Variants in FAT4 observed in about 807,000 individuals in gnomAD.
The protein encoded by FAT4 is protocadherin Fat 4.
FAT4 carries 84 observed loss-of-function variants against 303.9 expected under a neutral mutation model. The observed-to-expected ratio is 0.28, with a 90% CI of 0.23 to 0.33. The LOEUF is 0.33. Among genes scored for constraint, FAT4 ranks in the 10% least tolerant of loss-of-function variants. The pLI is 1.00. For missense variants in FAT4, 6,005 were observed against 6,146.8 expected (o/e 0.98, Z 0.77); for synonymous variants, 2,307 against 2,298.8 (o/e 1.00, Z -0.10).
chr4:125,319,184 A>G lies in FAT4; in HGVS notation c.2773A>G (p.Asn925Asp). 6.2e-7 allele frequency: 1 copy of G among 1,614,170 alleles called. No individual in the cohort carries two copies. Among genetic ancestry groups the G allele is most frequent in the Non-Finnish European group, 8.5e-7 (1 of 1,180,030 alleles). Residue 925 changes from asparagine (N) to aspartate (D), a missense_variant, in exon 2 of 18, where the codon AAT (asparagine) becomes GAT (aspartate). Physicochemically the swap from Asn to Asp is conservative, Grantham distance 23 (BLOSUM62 1). Transcript: ENST00000394329. The stretch of plus-strand genomic sequence containing the variant: ...AGCTGTGGACCCTGATGAAGGTGTC[A>G]ATGGCATGGTACTCTATAGTCTGAA... ...AKAVDPDEGV[N>D]GMVLYSLKQN...
At chr4:125,431,069 A>G (rs1725267839) in intron 7 of FAT4, among the ~76,000 whole-genome samples, 1 of 152,142 alleles carries the variant, frequency 6.6e-6, no homozygotes, top group Admixed American at 6.5e-5. Flanking sequence ...TATCTACAGT[A>G]ATATATGGTT....
At chr4:125,332,369 T>A (rs2125959078) in intron 2 of FAT4, among the ~76,000 whole-genome samples, 1 of 152,278 alleles carries the variant, frequency 6.6e-6, no homozygotes, top group Admixed American at 6.5e-5. Context: ...CTATTTTTCA[T>A]CCACTATTGT....
rs780657540 is a variant in FAT4, at chr4:125,320,920, G to C, written c.4509G>C (p.Val1503=). The change falls in exon 2 of 18, where the codon GTG becomes GTC. Residue 1503 remains valine (V), a synonymous_variant. Coordinates refer to ENST00000394329, the MANE Select transcript of FAT4 (RefSeq NM_001291303.3). ...CTGTAAAAGCCAATGATCAAGCTGT[G>C]CCAATAGAAACTAGACGGTATGCTT... ...ELTVKANDQA[V]PIETRRYALK... 2 of 1,614,182 alleles carry C rather than the reference G, an allele frequency of 1.2e-6. No homozygotes were observed. Among genetic ancestry groups the C allele is most frequent in the East Asian group, 4.5e-5 (2 of 44,878 alleles).
chr4:125,472,879 G>A (rs936113497), intron 12 of FAT4, among the ~76,000 whole-genome samples: 1 of 152,070 alleles, frequency 6.6e-6, no homozygotes, highest in Non-Finnish European at 1.5e-5. Flanking sequence ...GTCCTACCAG[G>A]TTATTAAATG....
intron 2 of FAT4, among the ~76,000 whole-genome samples, chr4:125,359,509 C>A (rs1732569662): frequency 6.6e-6 from 1 of 152,116 alleles, no homozygotes; most frequent in South Asian, 2.1e-4. Context: ...ATTTATAATA[C>A]TGTTACTCAG....
At chr4:125,354,666 T>G (rs1057157752) in intron 2 of FAT4, among the ~76,000 whole-genome samples, 1 of 149,922 alleles carries the variant, frequency 6.7e-6, no homozygotes, top group Non-Finnish European at 1.5e-5. Context: ...AAGCCTCAGT[T>G]CAACAGGAAA....
Position 125,317,253 on chromosome 4 carries a change from C to A in FAT4, c.842C>A (p.Thr281Asn). The change falls in exon 2 of 18, where the codon ACC becomes AAC. Residue 281 changes from threonine (T) to asparagine (N), a missense_variant. Transcript: ENST00000394329. This position sits in a 1 kb window ranked among gnomAD's most constrained non-coding sequence, Gnocchi z 7.0. ...QVAAADADEG[T>N]NADIRYRLQD... is the part of the protein sequence containing the mutation. ...GCGGCGGCGGACGCGGACGAGGGCA[C>A]CAACGCGGACATCCGCTATCGCCTG... The A allele has an allele frequency of 6.3e-7, 1 of 1,579,684 alleles. No individual in the cohort carries two copies. Among genetic ancestry groups the A allele is most frequent in the Admixed American group, 1.7e-5 (1 of 57,734 alleles).
Position 125,468,564 on chromosome 4 carries a change from A to G in FAT4, c.11958A>G (p.Ser3986=), listed in dbSNP as rs1165198824. ...ELNSYGFEEL[S]YMEFPSLDPN... The stretch of plus-strand genomic sequence containing the variant: ...ACAGTTATGGATTTGAGGAGTTATC[A>G]TACATGGAATTTCCAAGCTTGGACC... Residue 3986 remains serine, a synonymous_variant, in exon 12 of 18, where the codon TCA becomes TCG. Coordinates refer to ENST00000394329, the MANE Select transcript of FAT4 (RefSeq NM_001291303.3). 1 of 1,613,980 alleles carries G rather than the reference A, an allele frequency of 6.2e-7. No homozygotes were observed. The highest frequency in any genetic ancestry group is 8.5e-7 in the Non-Finnish European group (1 of 1,179,872).
chr4:125,471,893 TACAAAAA>T (rs1726870692), intron 12 of FAT4, among the ~76,000 whole-genome samples: 4 of 1,840 alleles, frequency 2.2e-3, no homozygotes, highest in Admixed American at 8.1e-3. Flanking sequence ...CTACTAAAAA[TACAAAAA>T]AAAAAAAAAA....
chr4:125,345,758 C>G (rs1731976737), intron 2 of FAT4, among the ~76,000 whole-genome samples: 1 of 151,948 alleles, frequency 6.6e-6, no homozygotes. Flanking sequence ...CAGATTTACC[C>G]TTAAAATGAT....
At chr4:125,402,212 A>T (rs915108235) in intron 3 of FAT4, among the ~76,000 whole-genome samples, 4 of 152,038 alleles carry the variant, frequency 2.6e-5, no homozygotes, top group African/African-American at 9.7e-5. Context: ...CCATTTGTAG[A>T]CAGGGCATTT....
At chr4:125,328,063 T>C (rs9999319) in intron 2 of FAT4, among the ~76,000 whole-genome samples, 50,051 of 151,980 alleles carry the variant, frequency 0.33, 8,523 homozygotes, top group Middle Eastern at 0.38. Context: ...TGAGTGGAAA[T>C]AGGAAAAGAA....
At chr4:125,413,471 G>A (rs1260445009) in intron 5 of FAT4, among the ~76,000 whole-genome samples, 3 of 151,910 alleles carry the variant, frequency 2.0e-5, no homozygotes, top group South Asian at 4.2e-4. Flanking sequence ...CGCTTTCAAC[G>A]ATTTACTCAA....
At chr4:125,325,727 G>A (rs1434647298) in intron 2 of FAT4, among the ~76,000 whole-genome samples, 4 of 152,170 alleles carry the variant, frequency 2.6e-5, no homozygotes, top group African/African-American at 9.7e-5. Context: ...GTTTTCTCAA[G>A]AAAACTTATT....
intron 2 of FAT4, among the ~76,000 whole-genome samples, chr4:125,390,190 T>A (rs1733927392): frequency 1.3e-5 from 2 of 150,448 alleles, no homozygotes; most frequent in South Asian, 4.2e-4. Context: ...AGGCGTTGAA[T>A]TTTTTTTTTG....
intron 16 of FAT4, among the ~76,000 whole-genome samples, chr4:125,483,051 C>T (rs560006166): frequency 6.6e-6 from 1 of 152,260 alleles, no homozygotes; most frequent in African/African-American, 2.4e-5. Flanking sequence ...AACAGTAGCA[C>T]TTCACAACAA....
intron 2 of FAT4, among the ~76,000 whole-genome samples, chr4:125,374,548 T>C (rs1733243709): frequency 6.6e-6 from 1 of 152,198 alleles, no homozygotes; most frequent in African/African-American, 2.4e-5. Context: ...CGACCCTTAC[T>C]TATTTTTAAA....
In FAT4 at chr4:125,318,847, G is replaced by A; in HGVS notation, c.2436G>A (p.Val812=). 6.2e-7 allele frequency: 1 copy of A among 1,614,164 alleles called. No individual in the cohort carries two copies. The highest frequency in any genetic ancestry group is 8.5e-7 in the Non-Finnish European group (1 of 1,180,018). Reference sequence around the variant, plus strand: ...AGAACGTGGCGCTGGGATATCATGTGGGTAGTGTGTCTGCATCCACCATGG... The same window carrying A: ...AGAACGTGGCGCTGGGATATCATGTAGGTAGTGTGTCTGCATCCACCATGG... ...VFENVALGYH[V]GSVSASTMDL... Residue 812 remains valine, a synonymous_variant, in exon 2 of 18, where the codon GTG becomes GTA. Coordinates refer to ENST00000394329, the MANE Select transcript of FAT4 (RefSeq NM_001291303.3).
chr4:125,392,608 C>G (rs1231590993), intron 2 of FAT4, among the ~76,000 whole-genome samples: 1 of 151,972 alleles, frequency 6.6e-6, no homozygotes, highest in Non-Finnish European at 1.5e-5. Context: ...TAATACATAC[C>G]TATTGTCTTT....
Sources: allele counts gnomAD v4.1 joint callset (sites outside exome capture counted in the v4.1 genomes callset), GRCh38; gene constraint gnomAD v4.1.1; non-coding constraint Gnocchi (gnomAD v3.1); transcripts MANE v1.5; gene names NCBI Gene and HGNC (gene_info 2026-07-23, HGNC 2026-07-21).